The following KCNH5 variants were observed in gnomAD, a reference collection of about 807,000 sequenced individuals.
KCNH5 encodes potassium voltage-gated channel subfamily H member 5.
KCNH5 carries 46 observed loss-of-function variants against 96.1 expected under a neutral mutation model. The ratio of observed to expected loss-of-function variants is 0.48; its 90% CI spans 0.38 to 0.61. The LOEUF (loss-of-function observed/expected upper bound fraction) is 0.61. Ranked by LOEUF, KCNH5 falls within the 20% of genes least tolerant of loss-of-function variation. The pLI, the probability that KCNH5 is intolerant of heterozygous loss-of-function variation, is 0.00. For missense variants in KCNH5, 907 were observed against 1,225.8 expected (o/e 0.74, Z 3.88); for synonymous variants, 439 against 449.8 (o/e 0.98, Z 0.30).
chr14:62,789,841 G>A (rs969707933), intron 9 of KCNH5, among the ~76,000 whole-genome samples: 3 of 151,892 alleles, frequency 2.0e-5, no homozygotes, highest in African/African-American at 4.8e-5. Context: ...ATATTTCCCA[G>A]TCTACAGGCT....
chr14:63,035,524 G>T (rs1414869179), intron 1 of KCNH5, among the ~76,000 whole-genome samples: 2 of 152,186 alleles, frequency 1.3e-5, no homozygotes, highest in African/African-American at 4.8e-5. Context: ...CACTAGGATG[G>T]TTATAAGAAG....
At position 62,725,664 on chromosome 14, in the gene KCNH5, A is replaced by T. The variant is rs1377858661; in HGVS notation, c.2020-17209T>A. On this transcript the variant is annotated intron_variant, in intron 10 of 10. Coordinates refer to ENST00000322893, the MANE Select transcript of KCNH5 (RefSeq NM_139318.5). ...TACTATGCACAGGGAACACAAAAAT[A>T]ACAAATGCAGGGATAGGTCATGTCT... 7.9e-5 allele frequency among the ~76,000 whole-genome samples: 12 copies of T among 152,334 alleles called. No individual in the cohort carries two copies. In the East Asian group the frequency reaches 2.3e-3, roughly 29 times the overall value.
intron 2 of KCNH5, among the ~76,000 whole-genome samples, chr14:63,014,377 T>C (rs890116880): frequency 1.3e-5 from 2 of 152,106 alleles, no homozygotes; most frequent in Non-Finnish European, 2.9e-5. Flanking sequence ...CTGTTGTGCA[T>C]ACAAAAGTGA....
intron 7 of KCNH5, among the ~76,000 whole-genome samples, chr14:62,856,828 T>C (rs1282920130): frequency 1.3e-5 from 2 of 151,954 alleles, no homozygotes; most frequent in Non-Finnish European, 2.9e-5. Flanking sequence ...GTATCTGGGC[T>C]GTGCCAACTG....
intron 7 of KCNH5, among the ~76,000 whole-genome samples, chr14:62,850,609 C>G (rs1183472815): frequency 6.6e-6 from 1 of 152,008 alleles, no homozygotes; most frequent in East Asian, 1.9e-4. Context: ...CCAACTGCTC[C>G]CTCCTCCTCA....
intron 10 of KCNH5, among the ~76,000 whole-genome samples, chr14:62,775,710 G>A (rs1329030118): frequency 1.3e-5 from 2 of 152,148 alleles, no homozygotes; most frequent in Admixed American, 6.5e-5. Flanking sequence ...AAGGTGGGGC[G>A]ATTCTATTCA....
chr14:62,821,668 T>C (rs1187891485), intron 8 of KCNH5, among the ~76,000 whole-genome samples: 1 of 152,150 alleles, frequency 6.6e-6, no homozygotes, highest in Non-Finnish European at 1.5e-5. Context: ...TAATATTATT[T>C]ATTCAGACAT....
chr14:63,021,788 C>T (rs567280410), intron 1 of KCNH5, among the ~76,000 whole-genome samples: 7 of 152,104 alleles, frequency 4.6e-5, no homozygotes, highest in African/African-American at 1.7e-4. Context: ...CGTTGGTAAC[C>T]ACTCCCCTCT....
At chr14:62,800,362 G>A (rs1886636172) in intron 9 of KCNH5, among the ~76,000 whole-genome samples, 1 of 152,110 alleles carries the variant, frequency 6.6e-6, no homozygotes, top group South Asian at 2.1e-4. Context: ...GGCAAAACAA[G>A]TTACCATTTT....
chr14:62,871,766 G>C (rs1489948523), intron 7 of KCNH5, among the ~76,000 whole-genome samples: 1 of 152,196 alleles, frequency 6.6e-6, no homozygotes, highest in Admixed American at 6.5e-5. Flanking sequence ...ATGTGCATCA[G>C]TGTGTAAGAG....
At chr14:62,922,267 T>G (rs1889394352) in intron 7 of KCNH5, among the ~76,000 whole-genome samples, 1 of 152,070 alleles carries the variant, frequency 6.6e-6, no homozygotes, top group African/African-American at 2.4e-5. Flanking sequence ...CATCTACATC[T>G]TTATCTGTAT....
At chr14:63,032,755 A>G (rs1891652298) in intron 1 of KCNH5, among the ~76,000 whole-genome samples, 1 of 152,234 alleles carries the variant, frequency 6.6e-6, no homozygotes, top group South Asian at 2.1e-4. Context: ...TGGAATGCAG[A>G]AATCACATCT....
chr14:62,740,295 C>T (rs1037059904), intron 10 of KCNH5, among the ~76,000 whole-genome samples: 9 of 152,152 alleles, frequency 5.9e-5, no homozygotes, highest in East Asian at 1.9e-4. Flanking sequence ...GTCATCTTTT[C>T]GGTGTCCATC....
chr14:62,728,733 G>A (rs1884988898), intron 10 of KCNH5, among the ~76,000 whole-genome samples: 1 of 152,132 alleles, frequency 6.6e-6, no homozygotes, highest in Admixed American at 6.5e-5. Context: ...GATACTAACT[G>A]GGCCTTATAT....
In KCNH5 at chr14:62,843,788, T is replaced by A. The variant is rs1887637024; in HGVS notation, c.1569+5865A>T. The stretch of plus-strand genomic sequence containing the variant: ...TAGTGCCTTTGGTCTTGGCTTCAAC[T>A]ATGATATATACCATCACGGGAACCT... On this transcript the variant is annotated intron_variant, in intron 8 of 10. Transcript: ENST00000322893. Among the ~76,000 whole-genome samples the A allele has an allele frequency of 2.6e-5, 4 of 152,276 alleles. No homozygotes were observed. The South Asian group carries it at 6.2e-4, about 24-fold the overall frequency.
At chr14:62,930,712 T>TA (rs571175138) in intron 7 of KCNH5, among the ~76,000 whole-genome samples, 90 of 152,298 alleles carry the variant, frequency 5.9e-4, no homozygotes, top group African/African-American at 2.0e-3. Context: ...TACTAAAATC[T>TA]AATAGAACAG....
Position 62,707,991 on chromosome 14 carries a change from C to T in KCNH5, c.2484G>A (p.Trp828Ter). 6.2e-7 allele frequency: 1 copy of T among 1,614,182 alleles called. No homozygotes were observed. The highest frequency in any genetic ancestry group is 2.2e-5 in the East Asian group (1 of 44,886). ...TTGACTCAGCTTTAGTGACATTATT[C>T]CAGTCTTCCTTTTTCTCCTCATGGG... ...MGAHEEKKEDWNNVTKAESMG... is the reference protein window; with the variant it reads ...MGAHEEKKED The change falls in exon 11 of 11, where the codon TGG becomes TGA. Residue 828 changes from tryptophan (W) to a stop codon, truncating the protein, a stop_gained. Coordinates refer to ENST00000322893, the MANE Select transcript of KCNH5 (RefSeq NM_139318.5). LOFTEE classifies it high-confidence loss of function.
At chr14:62,802,239 C>G in intron 9 of KCNH5, 90 bp downstream of exon 9, 1 of 1,373,438 alleles carries the variant, frequency 7.3e-7, no homozygotes, top group Non-Finnish European at 1.0e-6. Flanking sequence ...AGTTACCAAA[C>G]AAAGGAAATT....
intron 8 of KCNH5, among the ~76,000 whole-genome samples, chr14:62,829,753 G>A (rs190054601): frequency 3.3e-5 from 5 of 152,304 alleles, no homozygotes; most frequent in African/African-American, 1.2e-4. Context: ...TTTCCCCATT[G>A]TCTTGGCTAT....
Sources: allele counts gnomAD v4.1 joint callset (sites outside exome capture counted in the v4.1 genomes callset), GRCh38; gene constraint gnomAD v4.1.1; transcripts MANE v1.5; gene names NCBI Gene and HGNC (gene_info 2026-07-23, HGNC 2026-07-21).